The following YES1 variants were observed in gnomAD, a reference collection of about 807,000 sequenced individuals.
YES1 encodes tyrosine-protein kinase Yes.
YES1 carries 39 observed loss-of-function variants against 70.4 expected under a neutral mutation model. The ratio of observed to expected loss-of-function variants is 0.55; its 90% confidence interval spans 0.43 to 0.72. The LOEUF (loss-of-function observed/expected upper bound fraction) is 0.72. Ranked by LOEUF, YES1 falls within the 30% of genes least tolerant of loss-of-function variation. The probability of loss-of-function intolerance (pLI) is 0.00; values close to 1 mark genes in which losing one functional copy is unlikely to be tolerated. For missense variants in YES1, 495 were observed against 644.8 expected, an observed-to-expected ratio of 0.77 and a Z score of 2.52; for synonymous variants, 198 against 218.6, an observed-to-expected ratio of 0.91 and a Z score of 0.83.
At chr18:775,508 G>T (rs1162890334) in intron 1 of YES1, among the ~76,000 whole-genome samples, 1 of 152,014 alleles carries the variant, frequency 6.6e-6, no homozygotes, top group Non-Finnish European at 1.5e-5. Flanking sequence ...CTCATAAATG[G>T]AATCACGGCC....
chr18:735,504 G>A (rs941826963), intron 10 of YES1, among the ~76,000 whole-genome samples: 1 of 151,118 alleles, frequency 6.6e-6, no homozygotes, highest in African/African-American at 2.4e-5. Context: ...GGAAAGGTTG[G>A]GGGGTGGATA....
At position 748,029 on chromosome 18, in the gene YES1, T is replaced by C; in HGVS notation, c.372-11A>G. ...CACCAATCTCCTTCCCTGCAACACATAAAACAGCAATCACCGCAAGGTAGA... is the reference window on the plus strand; with the variant it reads ...CACCAATCTCCTTCCCTGCAACACACAAAACAGCAATCACCGCAAGGTAGA... On this transcript the variant is annotated splice_polypyrimidine_tract_variant and intron_variant, in intron 3 of 11. Coordinates refer to ENST00000314574, the MANE Select transcript of YES1 (RefSeq NM_005433.4). 1.2e-6 allele frequency: 2 copies of C among 1,612,678 alleles called. No individual in the cohort carries two copies. The highest frequency in any genetic ancestry group is 1.1e-5 in the South Asian group (1 of 91,050).
rs770153511 is a variant in YES1 at position 756,764 on chromosome 18, G to A, written c.64C>T (p.Pro22Ser). 8.7e-6 allele frequency: 14 copies of A among 1,614,132 alleles called. No individual in the cohort carries two copies. Among genetic ancestry groups the A allele is most frequent in the Non-Finnish European group, 1.2e-5 (14 of 1,180,008 alleles). The change falls in exon 2 of 12, where the codon CCA (proline) becomes TCA (serine). Residue 22 changes from proline to serine, a missense_variant. Pro to Ser is a moderately conservative substitution (Grantham distance 74). Coordinates refer to ENST00000314574, the MANE Select transcript of YES1 (RefSeq NM_005433.4). ...CTCACACTTGTACTGACAGGCTCTG[G>A]AGTATTTTCAGGTCTGTATTTAATG... is the stretch of plus-strand genomic sequence containing the variant. Reference protein sequence around the residue: ...PAIKYRPENTPEPVSTSVSHY... With the variant: ...PAIKYRPENTSEPVSTSVSHY...
Position 741,887 on chromosome 18 carries a change from C to T in YES1, c.1060+1031G>A, listed in dbSNP as rs72853881. Among the ~76,000 whole-genome samples, 600 of 152,268 alleles carry T rather than the reference C, an allele frequency of 3.9e-3. 3 individuals carry two copies. Among genetic ancestry groups the T allele is most frequent in the Non-Finnish European group, 5.9e-3 (401 of 68,022 alleles). On this transcript the variant is annotated intron_variant, in intron 8 of 11. Transcript: ENST00000314574. Reference sequence around the variant, plus strand: ...TGCAGTAGACATTCCTTCCAAAGAGCGCCAGGTGCTTTGGGTCTTTAGGTG... The same window carrying T: ...TGCAGTAGACATTCCTTCCAAAGAGTGCCAGGTGCTTTGGGTCTTTAGGTG...
chr18:727,675 T>C (rs927988360), intron 11 of YES1, among the ~76,000 whole-genome samples: 6 of 152,226 alleles, frequency 3.9e-5, no homozygotes, highest in Admixed American at 2.6e-4. Flanking sequence ...TAAGTACTTT[T>C]ACCTGTTCCA....
intron 6 of YES1, among the ~76,000 whole-genome samples, chr18:744,689 C>CTTTT (rs71174284): frequency 0.014 from 797 of 56,866 alleles, 162 homozygotes; most frequent in Middle Eastern, 0.034. Flanking sequence ...CACGCCTGGC[C>CTTTT]TTTTTTTTTT....
intron 1 of YES1, among the ~76,000 whole-genome samples, chr18:790,193 T>C (rs1020723149): frequency 5.3e-5 from 8 of 152,040 alleles, no homozygotes; most frequent in Non-Finnish European, 8.8e-5. Flanking sequence ...CTGGCCAACA[T>C]GGTGAAATCC....
chr18:766,931 A>G (rs780817872), intron 1 of YES1, among the ~76,000 whole-genome samples: 9 of 152,266 alleles, frequency 5.9e-5, no homozygotes, highest in Non-Finnish European at 1.0e-4. Flanking sequence ...TTGCCTTTGC[A>G]TTTCCATAAC....
intron 1 of YES1, among the ~76,000 whole-genome samples, chr18:766,213 G>A (rs999803463): frequency 1.3e-5 from 2 of 152,062 alleles, no homozygotes; most frequent in East Asian, 1.9e-4. Flanking sequence ...CCACTTACAC[G>A]GTCTTATCTC....
intron 10 of YES1, chr18:736,047 C>T (rs1479048054): frequency 6.5e-6 from 1 of 152,754 alleles, no homozygotes; most frequent in Admixed American, 6.6e-5. Flanking sequence ...TAGTGTGCAC[C>T]TGTAGTTCCA....
intron 1 of YES1, among the ~76,000 whole-genome samples, chr18:771,239 T>C (rs1905141542): frequency 1.3e-5 from 2 of 152,002 alleles, no homozygotes; most frequent in South Asian, 2.1e-4. Flanking sequence ...TGGTGGTGCA[T>C]GCCTGTAATC....
At chr18:733,788 A>T (rs2080119599) in intron 10 of YES1, among the ~76,000 whole-genome samples, 2 of 70,436 alleles carry the variant, frequency 2.8e-5, no homozygotes, top group Non-Finnish European at 5.9e-5. Flanking sequence ...GTCTCAAAAA[A>T]AAAAAAAAAA....
chr18:757,506 A>C (rs1195433928), intron 1 of YES1, among the ~76,000 whole-genome samples: 3 of 149,422 alleles, frequency 2.0e-5, no homozygotes, highest in African/African-American at 2.5e-5. Context: ...CCGTCTCAAA[A>C]AAAAAAAAAA....
intron 11 of YES1, among the ~76,000 whole-genome samples, chr18:731,022 G>T (rs896000710): frequency 1.3e-5 from 2 of 152,272 alleles, no homozygotes; most frequent in East Asian, 3.9e-4. Flanking sequence ...TTTCATGAAG[G>T]GGGTGAGAAG....
chr18:750,011 T>C (rs1451313189), intron 3 of YES1, among the ~76,000 whole-genome samples: 5 of 152,286 alleles, frequency 3.3e-5, no homozygotes, highest in East Asian at 1.9e-4. Flanking sequence ...AGTCTTTAAA[T>C]AGGAAGATAG....
chr18:742,330 G>A (rs868542725), intron 8 of YES1, among the ~76,000 whole-genome samples: 1 of 152,076 alleles, frequency 6.6e-6, no homozygotes, highest in Middle Eastern at 3.4e-3. Context: ...ATTGAAGGTA[G>A]TGGGGAGGCC....
intron 11 of YES1, among the ~76,000 whole-genome samples, chr18:728,007 A>G (rs977254872): frequency 2.6e-5 from 4 of 152,214 alleles, no homozygotes; most frequent in Non-Finnish European, 2.9e-5. Context: ...ACATAATGAG[A>G]TATCTTAAGG....
chr18:791,052 C>T (rs1906219938), intron 1 of YES1, among the ~76,000 whole-genome samples: 1 of 151,758 alleles, frequency 6.6e-6, no homozygotes, highest in Admixed American at 6.6e-5. Flanking sequence ...GAGTTCGATA[C>T]CAGCCTGGCC....
intron 1 of YES1, among the ~76,000 whole-genome samples, chr18:810,399 C>T (rs1227793004): frequency 6.6e-6 from 1 of 152,092 alleles, no homozygotes; most frequent in Non-Finnish European, 1.5e-5. Context: ...TATTATACTT[C>T]GACCACAAGA....
Sources: gnomAD v4.1 joint callset for allele counts (sites outside exome capture counted in the v4.1 genomes callset) on GRCh38, gnomAD v4.1.1 for gene constraint, MANE v1.5 for transcripts, NCBI Gene and HGNC (gene_info 2026-07-23, HGNC 2026-07-21) for gene names.